The following TIPRL variants were observed in gnomAD, a reference collection of about 807,000 sequenced individuals.
The protein encoded by TIPRL is TIP41-like protein.
TIPRL carries 10 observed loss-of-function variants against 32.3 expected under a neutral mutation model. The observed-to-expected ratio is 0.31, with a 90% CI of 0.19 to 0.52. The LOEUF is 0.52. Ranked by LOEUF, TIPRL falls within the 20% of genes least tolerant of loss-of-function variation. The pLI, the probability that TIPRL is intolerant of heterozygous loss-of-function variation, is 0.96. For synonymous variants in TIPRL, 100 were observed against 114.0 expected (o/e 0.88, Z 0.78); for missense variants, 250 against 328.1 (o/e 0.76, Z 1.84).
chr1:168,183,376 G>GCTTTTT (rs1379789101), intron 1 of TIPRL, among the ~76,000 whole-genome samples: 1 of 84,708 alleles, frequency 1.2e-5, no homozygotes, highest in Non-Finnish European at 2.0e-5. Flanking sequence ...AAATTCCTGT[G>GCTTTTT]ATTTTTTTTT....
In TIPRL at chr1:168,201,796, TG is replaced by T. The variant is rs1478879753; in HGVS notation, c.*1751del. ...GTGTGTGTGTGTGTGTGTGTGTGTG[TG>T]TGTGTGTGTATACAGACATTTTTTT... On this transcript the variant is annotated 3_prime_UTR_variant, in exon 7 of 7. Transcript: ENST00000367833. 1 of 150,792 alleles carries T rather than the reference TG, an allele frequency of 6.6e-6. No individual in the cohort carries two copies. The highest frequency in any genetic ancestry group is 2.5e-5 in the African/African-American group (1 of 40,762). 9.3% of individuals were successfully genotyped at this position (150,792 alleles called of 1,614,324 possible).
At chr1:168,191,335 T>C in intron 3 of TIPRL, 34 bp from the exon 4 acceptor site, 1 of 1,505,574 alleles carries the variant, frequency 6.6e-7, no homozygotes, top group Non-Finnish European at 8.8e-7. Context: ...AACTTTTTTT[T>C]TAATGTGCTC....
At position 168,200,135 on chromosome 1, in the gene TIPRL, C is replaced by T; in HGVS notation, c.*89C>T. The T allele has an allele frequency of 4.3e-6, 6 of 1,411,528 alleles. No individual in the cohort carries two copies. The highest frequency in any genetic ancestry group is 5.7e-6 in the Non-Finnish European group (6 of 1,047,560). 87.4% of individuals were successfully genotyped at this position (1,411,528 alleles called of 1,614,324 possible). A position where few individuals can be genotyped will look rare whatever the true frequency, so the allele number is the denominator to read the frequency against. ...TATTTTTATTATGAGAATTAATTGC[C>T]TTGTTTATGTACAGATTTTCTGTAG... On this transcript the variant is annotated 3_prime_UTR_variant, in exon 7 of 7. Transcript: ENST00000367833.
At chr1:168,199,133 A>G (rs1441107128) in intron 6 of TIPRL, 152 bp downstream of exon 6, 12 of 588,136 alleles carry the variant, frequency 2.0e-5, no homozygotes, top group Non-Finnish European at 3.6e-5. Flanking sequence ...CTATGGGAGC[A>G]TAACTTTTCT....
intron 5 of TIPRL, among the ~76,000 whole-genome samples, chr1:168,197,051 C>T (rs748421128): frequency 2.6e-5 from 4 of 152,196 alleles, no homozygotes; most frequent in Non-Finnish European, 5.9e-5. Flanking sequence ...CCGTAGCTCA[C>T]GCCTGTAATC....
At chr1:168,183,852 A>T (rs2038035) in intron 1 of TIPRL, 50 bp from the exon 2 acceptor site, 356,699 of 1,573,444 alleles carry the variant, frequency 0.23, 45,763 homozygotes, top group Admixed American at 0.52. Context: ...AGAAACAAAA[A>T]TGCCAACAGC....
At chr1:168,191,858 C>CCA (rs1558164787) in intron 4 of TIPRL, among the ~76,000 whole-genome samples, 4 of 38,902 alleles carry the variant, frequency 1.0e-4, no homozygotes, top group Admixed American at 3.1e-4. Context: ...GGCGACAGAG[C>CCA]AAAAAAAAAA....
At position 168,191,416 on chromosome 1, in the gene TIPRL, A is replaced by G; in HGVS notation, c.432A>G (p.Arg144=). ...DHIDTEKLKA[R]EQIKFFEEVL... Reference sequence around the variant, plus strand: ...TAGATACAGAAAAATTGAAAGCCAGAGAACAGATTAAGTTTTTTGAAGAAG... The same window carrying G: ...TAGATACAGAAAAATTGAAAGCCAGGGAACAGATTAAGTTTTTTGAAGAAG... Residue 144 remains arginine (R), a synonymous_variant, in exon 4 of 7, where the codon AGA becomes AGG. Transcript: ENST00000367833. 6.5e-7 allele frequency: 1 copy of G among 1,532,952 alleles called. No individual in the cohort carries two copies. Among genetic ancestry groups the G allele is most frequent in the Non-Finnish European group, 8.7e-7 (1 of 1,151,066 alleles). 95.0% of individuals were successfully genotyped at this position (1,532,952 alleles called of 1,614,324 possible).
At chr1:168,188,563 A>G (rs2235211) in intron 3 of TIPRL, among the ~76,000 whole-genome samples, 352 of 152,192 alleles carry the variant, frequency 2.3e-3, no homozygotes, top group East Asian at 9.5e-3. Context: ...TTTTTCTCCA[A>G]TTATTTAGCC....
At chr1:168,190,327 C>T (rs1700079245) in intron 3 of TIPRL, among the ~76,000 whole-genome samples, 1 of 152,106 alleles carries the variant, frequency 6.6e-6, no homozygotes, top group Non-Finnish European at 1.5e-5. Flanking sequence ...ATTTTTTTAC[C>T]TCCTGGAAAT....
intron 6 of TIPRL, among the ~76,000 whole-genome samples, chr1:168,199,216 T>A (rs1461390150): frequency 3.9e-5 from 6 of 152,118 alleles, no homozygotes; most frequent in Non-Finnish European, 8.8e-5. Context: ...TTTTCACATT[T>A]TGTTCTAGAG....
At chr1:168,182,263 C>T (rs1010748223) in intron 1 of TIPRL, among the ~76,000 whole-genome samples, 1 of 152,102 alleles carries the variant, frequency 6.6e-6, no homozygotes, top group Non-Finnish European at 1.5e-5. Flanking sequence ...ACCACAGGAG[C>T]TTCCTGTCTT....
intron 3 of TIPRL, 101 bp from the exon 4 acceptor site, chr1:168,191,268 A>C: frequency 3.6e-6 from 4 of 1,114,114 alleles, no homozygotes; most frequent in Non-Finnish European, 5.0e-6. Context: ...GCTATGTAGA[A>C]AAGACTGATT....
chr1:168,183,750 C>T, intron 1 of TIPRL, 152 bp from the exon 2 acceptor site: 2 of 761,902 alleles, frequency 2.6e-6, no homozygotes, highest in Non-Finnish European at 4.1e-6. Context: ...ATGATGAAAG[C>T]ATTTTATAGA....
chr1:168,191,420 C>A lies in TIPRL; in HGVS notation c.436C>A (p.Gln146Lys). 6.5e-7 allele frequency: 1 copy of A among 1,530,490 alleles called. No homozygotes were observed. The highest frequency in any genetic ancestry group is 1.3e-5 in the South Asian group (1 of 75,078). 94.8% of individuals were successfully genotyped at this position (1,530,490 alleles called of 1,614,324 possible). Residue 146 changes from glutamine (Q) to lysine (K), a missense_variant, in exon 4 of 7, where the codon CAG (glutamine) becomes AAG (lysine). Gln to Lys is a moderately conservative substitution (Grantham distance 53). Coordinates refer to ENST00000367833, the MANE Select transcript of TIPRL (RefSeq NM_152902.5). ...IDTEKLKARE[Q>K]IKFFEEVLLF... Reference sequence around the variant, plus strand: ...TACAGAAAAATTGAAAGCCAGAGAACAGATTAAGTTTTTTGAAGAAGTTCT... The same window carrying A: ...TACAGAAAAATTGAAAGCCAGAGAAAAGATTAAGTTTTTTGAAGAAGTTCT...
rs1700094848 is a variant in TIPRL at position 168,191,376 on chromosome 1, C to T, written c.392C>T (p.Pro131Leu). The T allele has an allele frequency of 2.0e-6, 3 of 1,528,682 alleles. No individual in the cohort carries two copies. The highest frequency in any genetic ancestry group is 2.5e-5 in the East Asian group (1 of 39,350). The allele number at this position is 1,528,682 out of a possible 1,614,324, so 94.7% of individuals were successfully genotyped here. The change falls in exon 4 of 7, where the codon CCT (proline) becomes CTT (leucine). Residue 131 changes from proline to leucine, a missense_variant. Pro to Leu is a moderately conservative substitution (Grantham distance 98, BLOSUM62 -3). Transcript: ENST00000367833. ...TAAAATTTTTTCTTTCAGGTTGTAC[C>T]TACAACAGATCATATAGATACAGAA... ...LGESLKLKVVPTTDHIDTEKL... is the reference protein window; with the variant it reads ...LGESLKLKVVLTTDHIDTEKL...
intron 3 of TIPRL, among the ~76,000 whole-genome samples, chr1:168,186,756 C>T (rs1361133819): frequency 6.6e-6 from 1 of 152,076 alleles, no homozygotes; most frequent in Non-Finnish European, 1.5e-5. Context: ...ATTGCTTGAA[C>T]CCAGGAGGCA....
At chr1:168,196,671 A>G in intron 5 of TIPRL, 29 bp downstream of exon 5, 1 of 1,456,334 alleles carries the variant, frequency 6.9e-7, no homozygotes, top group Non-Finnish European at 9.4e-7. Context: ...TGAATATACT[A>G]ATTGATACTG....
At chr1:168,188,641 G>T (rs533863784) in intron 3 of TIPRL, among the ~76,000 whole-genome samples, 1 of 152,224 alleles carries the variant, frequency 6.6e-6, no homozygotes, top group Non-Finnish European at 1.5e-5. Context: ...TAGTTTGCCT[G>T]CCTTGGTCTA....
Sources: allele counts gnomAD v4.1 joint callset (sites outside exome capture counted in the v4.1 genomes callset), GRCh38; gene constraint gnomAD v4.1.1; transcripts MANE v1.5; gene names NCBI Gene and HGNC (gene_info 2026-07-23, HGNC 2026-07-21).